Variants in CSMD3 observed in about 807,000 individuals in gnomAD.
CSMD3 encodes the protein CUB and Sushi multiple domains 3.
Under a neutral mutation model 435.2 loss-of-function variants are expected in CSMD3, and 177 were observed. That is an observed-to-expected ratio of 0.41 (90% CI 0.36 to 0.46). The LOEUF (loss-of-function observed/expected upper bound fraction) is 0.46, where lower values mean the gene tolerates loss of function less well. Ranked by LOEUF, CSMD3 falls within the 20% of genes least tolerant of loss-of-function variation. The probability of loss-of-function intolerance (pLI) is 0.34; values close to 1 mark genes in which losing one functional copy is unlikely to be tolerated. For synonymous variants in CSMD3, 1,656 were observed against 1,520.5 expected (o/e 1.09, Z -2.07); for missense variants, 4,265 against 4,504.6 (o/e 0.95, Z 1.52).
At chr8:113,310,893 G>GCATAAATTATTT (rs1418144405) in intron 2 of CSMD3, 2 of 151,436 alleles carry the variant, frequency 1.3e-5, no homozygotes, top group East Asian at 1.9e-4. Flanking sequence ...ATATCCACAG[G>GCATAAATTATTT]ATTAAATATT....
Position 112,281,284 on chromosome 8 carries a change from A to T in CSMD3, c.9398T>A (p.Phe3133Tyr). The T allele has an allele frequency of 6.2e-7, 1 of 1,613,480 alleles. No homozygotes were observed. The highest frequency in any genetic ancestry group is 8.5e-7 in the Non-Finnish European group (1 of 1,179,608). The change falls in exon 59 of 71, where the codon TTT becomes TAT. Residue 3133 changes from phenylalanine to tyrosine, a missense_variant. Coordinates refer to ENST00000297405, the MANE Select transcript of CSMD3 (RefSeq NM_198123.2). The stretch of plus-strand genomic sequence containing the variant: ...GCAGGAATAAATGACTGAACTAGAA[A>T]ATGTTGTGCCATCAATTCGGAAGAC... ...GKVFRIDGTT[F>Y]SSSVIYSCME...
chr8:113,102,394 G>A (rs2090355630), intron 4 of CSMD3, among the ~76,000 whole-genome samples: 1 of 152,074 alleles, frequency 6.6e-6, no homozygotes, highest in South Asian at 2.1e-4. Flanking sequence ...TCTTCCAAGT[G>A]CCAGGAGGAA....
chr8:112,912,170 CTT>C (rs1045808550), intron 10 of CSMD3, among the ~76,000 whole-genome samples: 10 of 150,046 alleles, frequency 6.7e-5, no homozygotes, highest in Non-Finnish European at 1.5e-4. Flanking sequence ...ATGGATGACA[CTT>C]AGGTTGATTA....
At chr8:112,672,439 G>C (rs989721194) in intron 16 of CSMD3, among the ~76,000 whole-genome samples, 1 of 152,180 alleles carries the variant, frequency 6.6e-6, no homozygotes, top group Admixed American at 6.6e-5. Context: ...TTAAAATGCA[G>C]ATTCCTGTAT....
chr8:112,518,017 T>A (rs1009272276), intron 27 of CSMD3, among the ~76,000 whole-genome samples: 1 of 152,168 alleles, frequency 6.6e-6, no homozygotes, highest in African/African-American at 2.4e-5. Flanking sequence ...ACAACCCAAA[T>A]GTCATTCAAC....
Position 112,518,345 on chromosome 8 carries a change from TA to T in CSMD3, c.4565-1121del, listed in dbSNP as rs1164303612. On this transcript the variant is annotated intron_variant, in intron 27 of 70. Coordinates refer to ENST00000297405, the MANE Select transcript of CSMD3 (RefSeq NM_198123.2). ...GTGAGACTCTGTCTCTAGAAAAAAT[TA>T]AAAAAAAAAAAATTAGCCCAGCATG... Among the ~76,000 whole-genome samples the T allele has an allele frequency of 5.5e-3, 784 of 142,194 alleles. 5 individuals are homozygous for T. The highest frequency in any genetic ancestry group is 0.012 in the East Asian group (59 of 4,908). 93.3% of individuals were successfully genotyped at this position (142,194 alleles called of 152,430 possible).
intron 3 of CSMD3, among the ~76,000 whole-genome samples, chr8:113,174,835 T>G (rs2092323692): frequency 6.6e-6 from 1 of 151,804 alleles, no homozygotes; most frequent in Non-Finnish European, 1.5e-5. Context: ...TAAAAGATAT[T>G]CCAATTTGAG....
chr8:112,609,700 A>G (rs751154942), intron 22 of CSMD3, among the ~76,000 whole-genome samples: 1 of 152,172 alleles, frequency 6.6e-6, no homozygotes, highest in Non-Finnish European at 1.5e-5. Flanking sequence ...TGATATCTGC[A>G]TCCTCATGTT....
intron 13 of CSMD3, among the ~76,000 whole-genome samples, chr8:112,775,773 G>T (rs1407142834): frequency 6.6e-6 from 1 of 151,722 alleles, no homozygotes; most frequent in Non-Finnish European, 1.5e-5. Context: ...TATTTCCTAA[G>T]CACCCATTGT....
chr8:112,946,566 A>C (rs1219432848), intron 9 of CSMD3, among the ~76,000 whole-genome samples: 1 of 151,680 alleles, frequency 6.6e-6, no homozygotes, highest in Non-Finnish European at 1.5e-5. Context: ...ATTGTATAAG[A>C]AATAAAAAAT....
At chr8:112,893,975 A>T (rs534858969) in intron 10 of CSMD3, among the ~76,000 whole-genome samples, 32 of 151,572 alleles carry the variant, frequency 2.1e-4, no homozygotes, top group African/African-American at 7.7e-4. Context: ...ACTGTGTTGT[A>T]ACTTGATAAA....
intron 5 of CSMD3, among the ~76,000 whole-genome samples, chr8:113,084,115 G>T (rs1267805419): frequency 6.6e-6 from 1 of 152,018 alleles, no homozygotes; most frequent in Non-Finnish European, 1.5e-5. Flanking sequence ...GAAGGAATTC[G>T]CCAAGGAAAG....
chr8:112,322,711 C>T (rs944290071), intron 45 of CSMD3, among the ~76,000 whole-genome samples: 3 of 152,072 alleles, frequency 2.0e-5, no homozygotes, highest in African/African-American at 7.2e-5. Context: ...CCCTTTCCCA[C>T]TCCTCACTGT....
At chr8:113,286,003 C>T (rs2093644033) in intron 2 of CSMD3, among the ~76,000 whole-genome samples, 2 of 151,936 alleles carry the variant, frequency 1.3e-5, no homozygotes, top group African/African-American at 2.4e-5. Flanking sequence ...TCTCATCTGA[C>T]AGAATGGTGC....
intron 4 of CSMD3, among the ~76,000 whole-genome samples, chr8:113,156,760 A>T (rs201926502): frequency 7.9e-4 from 68 of 85,982 alleles, no homozygotes; most frequent in Middle Eastern, 5.2e-3. Flanking sequence ...AAATAAATAA[A>T]TAAATAAATA....
At chr8:112,557,259 T>A (rs1828207143) in intron 24 of CSMD3, among the ~76,000 whole-genome samples, 1 of 151,908 alleles carries the variant, frequency 6.6e-6, no homozygotes, top group South Asian at 2.1e-4. Flanking sequence ...AGATTCTGAG[T>A]GATACCATGA....
At chr8:112,460,288 A>G (rs1474091279) in intron 32 of CSMD3, among the ~76,000 whole-genome samples, 1 of 152,112 alleles carries the variant, frequency 6.6e-6, no homozygotes, top group African/African-American at 2.4e-5. Context: ...CAAGCAATAT[A>G]ATATAGATCT....
intron 10 of CSMD3, among the ~76,000 whole-genome samples, chr8:112,884,256 ACT>A (rs2081527411): frequency 6.6e-6 from 1 of 151,690 alleles, no homozygotes. Flanking sequence ...TGAGAGTATC[ACT>A]CTCAGTTTTA....
chr8:113,176,914 A>T (rs2092354825), intron 3 of CSMD3, among the ~76,000 whole-genome samples: 1 of 151,946 alleles, frequency 6.6e-6, no homozygotes, highest in Non-Finnish European at 1.5e-5. Context: ...AAAATAAAGT[A>T]TGTTTAAAAA....
Sources: gnomAD v4.1 joint callset for allele counts (sites outside exome capture counted in the v4.1 genomes callset) on GRCh38, gnomAD v4.1.1 for gene constraint, MANE v1.5 for transcripts, NCBI Gene and HGNC (gene_info 2026-07-23, HGNC 2026-07-21) for gene names.